The following AZIN2 variants were observed in gnomAD, a reference collection of about 807,000 sequenced individuals.
AZIN2 encodes the protein ODC antizyme inhibitor-2.
Under a neutral mutation model 47.8 loss-of-function variants are expected in AZIN2, and 28 were observed. The ratio of observed to expected loss-of-function variants is 0.59; its 90% confidence interval spans 0.43 to 0.80. The LOEUF is 0.80. AZIN2 is among the 30% of genes least tolerant of loss of function. The pLI, the probability that AZIN2 is intolerant of heterozygous loss-of-function variation, is 0.00. For missense variants in AZIN2, 535 were observed against 582.5 expected (o/e 0.92, Z 0.84); for synonymous variants, 221 against 239.4 (o/e 0.92, Z 0.71).
intron 10 of AZIN2, among the ~76,000 whole-genome samples, chr1:33,101,620 C>G (rs1296952296): frequency 6.6e-6 from 1 of 151,764 alleles, no homozygotes; most frequent in Non-Finnish European, 1.5e-5. Context: ...AATAAGCATC[C>G]TTATTATTTA....
the AZIN2 span, among the ~76,000 whole-genome samples, chr1:33,139,877 A>G: frequency 1.3e-5 from 2 of 152,140 alleles, no homozygotes; most frequent in African/African-American, 2.4e-5. Flanking sequence ...ATCTCTTTCT[A>G]TCCTCCCCAT....
At chr1:33,107,901 C>A (rs1026869943) in intron 10 of AZIN2, among the ~76,000 whole-genome samples, 3 of 152,050 alleles carry the variant, frequency 2.0e-5, no homozygotes, top group African/African-American at 4.8e-5. Context: ...TCCATACTAC[C>A]CAAAGCGATC....
In AZIN2 at chr1:33,120,287, C is replaced by T; in HGVS notation, c.*105C>T. ...GGTACCCTTGGCCAGGACTCTGGTG[C>T]CCACCCTGCCACCCCCGCGCTCCAC... On this transcript the variant is annotated 3_prime_UTR_variant, in exon 12 of 12. Coordinates refer to ENST00000294517, the MANE Select transcript of AZIN2 (RefSeq NM_052998.4). The T allele has an allele frequency of 4.1e-6, 6 of 1,471,686 alleles. No homozygotes were observed. The highest frequency in any genetic ancestry group is 1.3e-5 in the South Asian group (1 of 76,332). The allele number at this position is 1,471,686 out of a possible 1,614,324, so 91.2% of individuals were successfully genotyped here.
intron 10 of AZIN2, among the ~76,000 whole-genome samples, chr1:33,115,872 A>C (rs2124657599): frequency 6.6e-6 from 1 of 152,340 alleles, no homozygotes; most frequent in South Asian, 2.1e-4. Context: ...TTACCATGGA[A>C]GAATCTTTAA....
downstream of AZIN2, among the ~76,000 whole-genome samples, chr1:33,124,775 G>T (rs1307530959): frequency 1.3e-5 from 2 of 152,246 alleles, no homozygotes; most frequent in East Asian, 1.9e-4. The surrounding 1 kb of genome is among the most constrained non-coding windows in gnomAD (Gnocchi z 4.6). Flanking sequence ...GCAGTATTTG[G>T]TTTTTTGTTC....
intron 6 of AZIN2, among the ~76,000 whole-genome samples, chr1:33,093,000 C>A (rs1642741174): frequency 6.6e-6 from 1 of 152,192 alleles, no homozygotes; most frequent in South Asian, 2.1e-4. Flanking sequence ...TTTGAAAGCT[C>A]TAACTGGTGT....
chr1:33,139,016 G>T, the AZIN2 span, among the ~76,000 whole-genome samples: 41 of 152,300 alleles, frequency 2.7e-4, no homozygotes, highest in East Asian at 4.8e-3. Flanking sequence ...TGCAAGACTC[G>T]CACTGACTGT....
intron 5 of AZIN2, among the ~76,000 whole-genome samples, chr1:33,089,935 C>T (rs766342886): frequency 5.9e-5 from 9 of 152,128 alleles, no homozygotes; most frequent in Non-Finnish European, 8.8e-5. Flanking sequence ...GACTTGAGTT[C>T]GAAAGTTCGT....
chr1:33,105,247 C>T (rs1643942614), intron 10 of AZIN2, among the ~76,000 whole-genome samples: 1 of 152,094 alleles, frequency 6.6e-6, no homozygotes, highest in Non-Finnish European at 1.5e-5. Flanking sequence ...TCATAGTGCA[C>T]TTTGTTTTTC....
At chr1:33,150,433 A>G in the AZIN2 span, among the ~76,000 whole-genome samples, 4 of 152,224 alleles carry the variant, frequency 2.6e-5, no homozygotes, top group Non-Finnish European at 4.4e-5. Flanking sequence ...CCAGTGACCT[A>G]TATCAAGTTC....
At chr1:33,147,569 A>C in the AZIN2 span, 2 of 1,613,766 alleles carry the variant, frequency 1.2e-6, 1 homozygote, top group South Asian at 2.2e-5. The surrounding 1 kb of genome is among the most constrained non-coding windows in gnomAD (Gnocchi z 8.1). Flanking sequence ...CCACTACTGA[A>C]GGCTTCAGAA....
In AZIN2 at chr1:33,123,022, C is replaced by T. The variant is rs968687831; in HGVS notation, c.*2840C>T. 1.3e-5 allele frequency among the ~76,000 whole-genome samples: 2 copies of T among 152,224 alleles called. No individual in the cohort carries two copies. Among genetic ancestry groups the T allele is most frequent in the African/African-American group, 4.8e-5 (2 of 41,460 alleles). On this transcript the variant is annotated 3_prime_UTR_variant, in exon 12 of 12. Transcript: ENST00000294517. ...GACTCCCACACTTCCCTCTCACGCA[C>T]TGGGTCCTGGCCACACTGGCCTCCC...
the AZIN2 span, chr1:33,145,490 G>C: frequency 6.2e-6 from 1 of 161,374 alleles, no homozygotes; most frequent in East Asian, 1.8e-4. Context: ...GGGTGGCCCA[G>C]ATTCTGGTAG....
At chr1:33,133,974 C>T in the AZIN2 span, among the ~76,000 whole-genome samples, 10 of 152,374 alleles carry the variant, frequency 6.6e-5, no homozygotes, top group South Asian at 2.1e-3. Flanking sequence ...GCTGCCTCTG[C>T]TGTTACCACT....
At chr1:33,087,545 T>C (rs1016995169) in intron 5 of AZIN2, among the ~76,000 whole-genome samples, 1 of 152,054 alleles carries the variant, frequency 6.6e-6, no homozygotes, top group Non-Finnish European at 1.5e-5. Context: ...CAAGCGATTC[T>C]CCTGCCTCAG....
At position 33,092,348 on chromosome 1, in the gene AZIN2, G is replaced by T. The variant is rs564099010; in HGVS notation, c.452+126G>T. The T allele has an allele frequency of 4.0e-5, 35 of 873,758 alleles. 1 individual carries two copies. The highest frequency in any genetic ancestry group is 5.6e-5 in the East Asian group (2 of 35,710). 54.1% of individuals were successfully genotyped at this position (873,758 alleles called of 1,614,324 possible). A position where few individuals can be genotyped will look rare whatever the true frequency, so the allele number is the denominator to read the frequency against. On this transcript the variant is annotated intron_variant, in intron 6 of 11. Transcript: ENST00000294517. Reference sequence around the variant, plus strand: ...GGGAAGGCTGGGCTTCAGAGTGAAGGGGGGGGTGGGGTGAGGGGGTGGAGC... The same window carrying T: ...GGGAAGGCTGGGCTTCAGAGTGAAGTGGGGGGTGGGGTGAGGGGGTGGAGC...
chr1:33,105,748 G>A (rs1374936430), intron 10 of AZIN2, among the ~76,000 whole-genome samples: 1 of 152,206 alleles, frequency 6.6e-6, no homozygotes, highest in Non-Finnish European at 1.5e-5. Flanking sequence ...ATATCAGTGT[G>A]TAAAGATGCA....
At chr1:33,160,683 G>A in the AZIN2 span, among the ~76,000 whole-genome samples, 106,066 of 151,932 alleles carry the variant, frequency 0.7, 37,375 homozygotes, top group Non-Finnish European at 0.75. Context: ...GGGATTACAG[G>A]CGTGAGCCAT....
chr1:33,127,801 G>A (rs1644867703), downstream of AZIN2, among the ~76,000 whole-genome samples: 1 of 152,176 alleles, frequency 6.6e-6, no homozygotes, highest in Non-Finnish European at 1.5e-5. Flanking sequence ...CTAGGCCAAG[G>A]AGTTTTACAT....
Sources: allele counts gnomAD v4.1 joint callset (sites outside exome capture counted in the v4.1 genomes callset), GRCh38; gene constraint gnomAD v4.1.1; non-coding constraint Gnocchi (gnomAD v3.1); transcripts MANE v1.5; gene names NCBI Gene and HGNC (gene_info 2026-07-23, HGNC 2026-07-21).